TLE1: variants seen among roughly 807,000 people sequenced by gnomAD.
The protein encoded by TLE1 is TLE family member 1, transcriptional corepressor.
Under a neutral mutation model 89.8 loss-of-function variants are expected in TLE1, and 21 were observed. The observed-to-expected ratio is 0.23, with a 90% CI of 0.17 to 0.34. The LOEUF is 0.34. Among genes scored for constraint, TLE1 ranks in the 10% least tolerant of loss-of-function variants. The pLI is 1.00. For missense variants in TLE1, 795 were observed against 1,031.2 expected, an observed-to-expected ratio of 0.77 and a Z score of 3.14; for synonymous variants, 447 against 407.6, an observed-to-expected ratio of 1.10 and a Z score of -1.16.
At position 81,688,524 on chromosome 9, in the gene TLE1, T is replaced by C. The variant is rs1834669035; in HGVS notation, c.-284A>G. 3 of 356,980 alleles carry C rather than the reference T, an allele frequency of 8.4e-6. No individual in the cohort carries two copies. The highest frequency in any genetic ancestry group is 1.5e-5 in the Non-Finnish European group (3 of 201,944). The allele number at this position is 356,980 out of a possible 1,614,324, so 22.1% of individuals were successfully genotyped here. On this transcript the variant is annotated 5_prime_UTR_variant, in exon 1 of 20. Coordinates refer to ENST00000376499, the MANE Select transcript of TLE1 (RefSeq NM_005077.5). ...GCGGAGACGTCGGGCGCTCGGGGACTGTGCGCGGGGGCAGCGCTCCAACCC... is the reference window on the plus strand; with the variant it reads ...GCGGAGACGTCGGGCGCTCGGGGACCGTGCGCGGGGGCAGCGCTCCAACCC...
At chr9:81,601,326 AC>A (rs1830898270) in intron 14 of TLE1, among the ~76,000 whole-genome samples, 1 of 152,188 alleles carries the variant, frequency 6.6e-6, no homozygotes, top group African/African-American at 2.4e-5. Flanking sequence ...AGGCAATTTT[AC>A]CCCAAACGTA....
chr9:81,633,554 A>G (rs946447949), intron 7 of TLE1, 190 bp from the exon 8 acceptor site: 15 of 725,000 alleles, frequency 2.1e-5, no homozygotes, highest in Middle Eastern at 3.7e-4. Flanking sequence ...TTTTGTAAAC[A>G]TAAGATTTAC....
At chr9:81,588,186 C>G (rs913198096) in intron 16 of TLE1, among the ~76,000 whole-genome samples, 3 of 152,132 alleles carry the variant, frequency 2.0e-5, no homozygotes, top group African/African-American at 7.2e-5. Context: ...AAAAGACAAA[C>G]ACACAAAATC....
At chr9:81,662,838 G>C (rs938321307) in intron 4 of TLE1, among the ~76,000 whole-genome samples, 5 of 151,776 alleles carry the variant, frequency 3.3e-5, no homozygotes, top group African/African-American at 1.2e-4. Flanking sequence ...TTGATTTACT[G>C]TTTAAATGTT....
intron 2 of TLE1, 99 bp from the exon 3 acceptor site, chr9:81,685,995 T>C (rs1185641654): frequency 7.6e-7 from 1 of 1,310,628 alleles, no homozygotes; most frequent in African/African-American, 1.5e-5. Context: ...CAGACCAATT[T>C]GGAAAAGCCA....
chr9:81,598,839 T>C (rs1587903569), intron 14 of TLE1, among the ~76,000 whole-genome samples: 1 of 152,272 alleles, frequency 6.6e-6, no homozygotes, highest in East Asian at 1.9e-4. Flanking sequence ...CTAAATCCAG[T>C]GGATGCTGGG....
chr9:81,678,345 C>T (rs1833160835), intron 4 of TLE1, among the ~76,000 whole-genome samples: 1 of 151,582 alleles, frequency 6.6e-6, no homozygotes, highest in Non-Finnish European at 1.5e-5. Flanking sequence ...CTAGTACTAG[C>T]TAGTACTACA....
intron 4 of TLE1, among the ~76,000 whole-genome samples, chr9:81,682,779 A>G (rs550553623): frequency 5.9e-5 from 9 of 152,168 alleles, no homozygotes; most frequent in Admixed American, 2.0e-4. Flanking sequence ...CTGTATAGAG[A>G]TATCTAGAGT....
intron 8 of TLE1, among the ~76,000 whole-genome samples, chr9:81,623,282 T>G (rs1361841591): frequency 6.6e-6 from 1 of 152,096 alleles, no homozygotes; most frequent in Non-Finnish European, 1.5e-5. Context: ...ATACAGTCAT[T>G]TTGATGGCCA....
At chr9:81,669,253 G>A (rs1227343081) in intron 4 of TLE1, among the ~76,000 whole-genome samples, 1 of 152,222 alleles carries the variant, frequency 6.6e-6, no homozygotes, top group African/African-American at 2.4e-5. Flanking sequence ...ATCGAAGGCT[G>A]TGAGAACGCT....
intron 4 of TLE1, among the ~76,000 whole-genome samples, chr9:81,660,439 A>T (rs992221679): frequency 3.3e-5 from 5 of 151,814 alleles, no homozygotes; most frequent in Non-Finnish European, 5.9e-5. Flanking sequence ...TTTGAGACAG[A>T]GTCTCGTTCT....
chr9:81,630,466 T>C (rs1040156007), intron 8 of TLE1, among the ~76,000 whole-genome samples: 1 of 152,232 alleles, frequency 6.6e-6, no homozygotes, highest in Non-Finnish European at 1.5e-5. Context: ...AAGTAGCTCT[T>C]CATCTGTTTA....
chr9:81,603,245 C>G (rs1406815956), intron 14 of TLE1, among the ~76,000 whole-genome samples: 1 of 152,180 alleles, frequency 6.6e-6, no homozygotes, highest in African/African-American at 2.4e-5. Context: ...TTCTAGGACA[C>G]TGTTCCTCTG....
intron 6 of TLE1, among the ~76,000 whole-genome samples, chr9:81,635,052 A>G (rs1416211217): frequency 6.6e-6 from 1 of 152,086 alleles, no homozygotes; most frequent in East Asian, 1.9e-4. Flanking sequence ...CACTGACTAA[A>G]TTGCTGAAAC....
chr9:81,675,863 G>C (rs1458362913), intron 4 of TLE1, among the ~76,000 whole-genome samples: 1 of 151,924 alleles, frequency 6.6e-6, no homozygotes, highest in African/African-American at 2.4e-5. Context: ...ACCACGCCCA[G>C]CTAATTTTCG....
chr9:81,652,200 G>C lies in TLE1; in HGVS notation c.372+14C>G. The C allele has an allele frequency of 6.2e-7, 1 of 1,613,200 alleles. No individual in the cohort carries two copies. Among genetic ancestry groups the C allele is most frequent in the Non-Finnish European group, 8.5e-7 (1 of 1,179,630 alleles). ...TATACACACTGTAGGAGGTAGACCT[G>C]GTAGGCCACGTACCCCGATGATGGC... On this transcript the variant is annotated intron_variant, in intron 6 of 19. Transcript: ENST00000376499.
intron 14 of TLE1, among the ~76,000 whole-genome samples, chr9:81,601,763 G>GGGTT (rs1417667070): frequency 6.6e-6 from 1 of 152,124 alleles, no homozygotes; most frequent in Non-Finnish European, 1.5e-5. Flanking sequence ...AACAAGCTCA[G>GGGTT]GGTTACCTCT....
At chr9:81,627,280 G>A (rs915267661) in intron 8 of TLE1, among the ~76,000 whole-genome samples, 6 of 150,648 alleles carry the variant, frequency 4.0e-5, no homozygotes, top group African/African-American at 1.5e-4. Context: ...ACAAACTCAA[G>A]TCAAAAAGAG....
intron 4 of TLE1, among the ~76,000 whole-genome samples, chr9:81,680,482 A>C (rs903490014): frequency 1.1e-4 from 17 of 152,170 alleles, no homozygotes; most frequent in African/African-American, 4.1e-4. Flanking sequence ...TTGAATTTTC[A>C]AAATATTGAT....
Sources: gnomAD v4.1 joint callset for allele counts (sites outside exome capture counted in the v4.1 genomes callset) on GRCh38, gnomAD v4.1.1 for gene constraint, MANE v1.5 for transcripts, NCBI Gene and HGNC (gene_info 2026-07-23, HGNC 2026-07-21) for gene names.